The following R3HDML variants were observed in gnomAD, a reference collection of about 807,000 sequenced individuals.
The protein encoded by R3HDML is R3H domain containing like.
Under a neutral mutation model 24.2 loss-of-function variants are expected in R3HDML, and 21 were observed. The ratio of observed to expected loss-of-function variants is 0.87; its 90% confidence interval spans 0.62 to 1.25. R3HDML has a LOEUF of 1.25. Ranked by LOEUF, R3HDML falls within the 50% of genes most tolerant of loss-of-function variation. The probability of loss-of-function intolerance (pLI) is 0.00; values close to 1 mark genes in which losing one functional copy is unlikely to be tolerated. For synonymous variants in R3HDML, 133 were observed against 131.5 expected, an observed-to-expected ratio of 1.01 and a Z score of -0.08; for missense variants, 301 against 340.3, an observed-to-expected ratio of 0.88 and a Z score of 0.91.
chr20:44,348,469 T>C (rs1039015622), intron 4 of R3HDML, among the ~76,000 whole-genome samples: 1 of 125,444 alleles, frequency 8.0e-6, no homozygotes. Flanking sequence ...TTCCCCTTTC[T>C]CCTTTTCCCT....
intron 2 of R3HDML, among the ~76,000 whole-genome samples, chr20:44,342,125 G>C (rs148700762): frequency 1.5e-3 from 234 of 152,274 alleles, no homozygotes; most frequent in African/African-American, 5.1e-3. Flanking sequence ...TTCCAGACTT[G>C]TGGATTTCAC....
chr20:44,337,198 T>A lies in R3HDML; in HGVS notation c.41T>A (p.Leu14His). Reference protein sequence around the residue: ...LPSTVGLAGLLFWAGQAVNAL... With the variant: ...LPSTVGLAGLHFWAGQAVNAL... The stretch of plus-strand genomic sequence containing the variant: ...AGCACCGTGGGCCTGGCAGGCCTGC[T>A]CTTCTGGGCTGGCCAGGCAGTGAAC... Residue 14 changes from leucine to histidine, a missense_variant, in exon 1 of 5, where the codon CTC becomes CAC. By Grantham distance (99) the Leu-to-His change is moderately conservative. Transcript: ENST00000217043. The surrounding 1 kb of genome is among the most constrained non-coding windows in gnomAD (Gnocchi z 4.7). 6.2e-7 allele frequency: 1 copy of A among 1,613,578 alleles called. No homozygotes were observed. Among genetic ancestry groups the A allele is most frequent in the Non-Finnish European group, 8.5e-7 (1 of 1,179,962 alleles).
chr20:44,339,597 G>GTGTGTGTGTGTGTGTC (rs1287090149), intron 1 of R3HDML, among the ~76,000 whole-genome samples: 4 of 151,442 alleles, frequency 2.6e-5, no homozygotes, highest in African/African-American at 9.7e-5. Flanking sequence ...GTGTGTGTGT[G>GTGTGTGTGTGTGTGTC]TGTGTGTGTC....
chr20:44,347,365 T>C (rs913601633), intron 4 of R3HDML, among the ~76,000 whole-genome samples: 15 of 151,950 alleles, frequency 9.9e-5, no homozygotes, highest in African/African-American at 2.7e-4. Flanking sequence ...AGTACAGGCA[T>C]GCACCATTAC....
intron 4 of R3HDML, among the ~76,000 whole-genome samples, chr20:44,348,210 A>G (rs1386192109): frequency 6.6e-6 from 1 of 152,120 alleles, no homozygotes; most frequent in Admixed American, 6.6e-5. Flanking sequence ...CTGTTTCTTC[A>G]TCTGCAAAAT....
In R3HDML at chr20:44,350,503, A is replaced by C. The variant is rs1023769852; in HGVS notation, c.630-157A>C. On this transcript the variant is annotated intron_variant, in intron 4 of 4. Coordinates refer to ENST00000217043, the MANE Select transcript of R3HDML (RefSeq NM_178491.4). ...CAGAGCAAAACAAAATAAATAAATA[A>C]ATAAATAAAGGAAAGAAAAAAAAGA... 5.2e-6 allele frequency: 3 copies of C among 571,866 alleles called. No homozygotes were observed. The African/African-American group carries it at 5.9e-5, about 11-fold the overall frequency. 35.4% of individuals were successfully genotyped at this position (571,866 alleles called of 1,614,324 possible).
chr20:44,343,539 G>C (rs373649219), intron 3 of R3HDML, 30 bp downstream of exon 3: 62 of 1,557,574 alleles, frequency 4.0e-5, no homozygotes, highest in Non-Finnish European at 5.1e-5. Context: ...GAGGGCCCCT[G>C]GGATAACACA....
At chr20:44,346,868 G>GC (rs1163404103) in intron 4 of R3HDML, among the ~76,000 whole-genome samples, 1 of 152,230 alleles carries the variant, frequency 6.6e-6, no homozygotes, top group Non-Finnish European at 1.5e-5. Flanking sequence ...CAGGCCAGGA[G>GC]CAGTGTCTTA....
intron 4 of R3HDML, among the ~76,000 whole-genome samples, chr20:44,347,028 G>A (rs1253849849): frequency 6.6e-6 from 1 of 152,046 alleles, no homozygotes; most frequent in Admixed American, 6.6e-5. Context: ...TGTAATCCCA[G>A]CTACTTGGGA....
Position 44,343,514 on chromosome 20 carries a change from T to C in R3HDML, c.513+5T>C, listed in dbSNP as rs1444009940. 6.3e-7 allele frequency: 1 copy of C among 1,596,624 alleles called. No individual in the cohort carries two copies. The highest frequency in any genetic ancestry group is 8.5e-7 in the Non-Finnish European group (1 of 1,171,484). ...ACCTGCTCCCATTATACCCAGGTACTCCTCCGTCAGGGCTGAGGGCCCCTG... is the reference window on the plus strand; with the variant it reads ...ACCTGCTCCCATTATACCCAGGTACCCCTCCGTCAGGGCTGAGGGCCCCTG... On this transcript the variant is annotated splice_donor_5th_base_variant and intron_variant, in intron 3 of 4. Coordinates refer to ENST00000217043, the MANE Select transcript of R3HDML (RefSeq NM_178491.4).
intron 4 of R3HDML, among the ~76,000 whole-genome samples, chr20:44,348,759 C>T (rs555147375): frequency 5.9e-5 from 9 of 152,046 alleles, no homozygotes; most frequent in Non-Finnish European, 1.0e-4. Context: ...AGCAATCTGC[C>T]CACCTCAGTC....
chr20:44,337,310 G>A lies in R3HDML; in HGVS notation c.153G>A (p.Arg51=), dbSNP rs1200491783. 3.7e-6 allele frequency: 6 copies of A among 1,614,094 alleles called. No individual in the cohort carries two copies. The South Asian group carries it at 6.6e-5, about 18-fold the overall frequency. Reference sequence around the variant, plus strand: ...TCCTGAGTGGCCTGGAGGTGCCCAGGTACCGCCGGAAGCGCCACATCTCTG... The same window carrying A: ...TCCTGAGTGGCCTGGAGGTGCCCAGATACCGCCGGAAGCGCCACATCTCTG... ...MRLLSGLEVP[R]YRRKRHISVR... The change falls in exon 1 of 5, where the codon AGG becomes AGA. Residue 51 remains arginine, a synonymous_variant. Coordinates refer to ENST00000217043, the MANE Select transcript of R3HDML (RefSeq NM_178491.4). This position sits in a 1 kb window ranked among gnomAD's most constrained non-coding sequence, Gnocchi z 4.7.
intron 1 of R3HDML, among the ~76,000 whole-genome samples, chr20:44,338,352 CCCCT>C (rs1248277973): frequency 6.6e-6 from 1 of 152,190 alleles, no homozygotes; most frequent in Non-Finnish European, 1.5e-5. Flanking sequence ...ATAGACAAGG[CCCCT>C]TCCTTCACGA....
At chr20:44,345,829 C>CT (rs1426944034) in intron 4 of R3HDML, among the ~76,000 whole-genome samples, 5 of 147,772 alleles carry the variant, frequency 3.4e-5, no homozygotes, top group South Asian at 2.1e-4. Flanking sequence ...TTCTTTCTTT[C>CT]TTTTTTTTGA....
chr20:44,346,901 G>A (rs761774439), intron 4 of R3HDML, among the ~76,000 whole-genome samples: 4 of 152,212 alleles, frequency 2.6e-5, no homozygotes, highest in Admixed American at 1.3e-4. Context: ...CAGCACTTTG[G>A]GGGGCTGAGG....
At chr20:44,347,750 A>G (rs912776800) in intron 4 of R3HDML, 1 of 152,236 alleles carries the variant, frequency 6.6e-6, no homozygotes, top group Non-Finnish European at 1.5e-5. Context: ...CAGAAGAATC[A>G]GTCTTTTGAT....
chr20:44,349,471 C>A (rs939623683), intron 4 of R3HDML, among the ~76,000 whole-genome samples: 1 of 152,098 alleles, frequency 6.6e-6, no homozygotes, highest in African/African-American at 2.4e-5. Context: ...TGACAGCAGC[C>A]GGCACAAATC....
chr20:44,349,413 C>G (rs1374706570), intron 4 of R3HDML, among the ~76,000 whole-genome samples: 1 of 152,096 alleles, frequency 6.6e-6, no homozygotes, highest in Non-Finnish European at 1.5e-5. Context: ...CCACCACCCA[C>G]TCTCCCCGCC....
chr20:44,344,230 G>A (rs562388198), intron 3 of R3HDML, among the ~76,000 whole-genome samples: 210 of 150,816 alleles, frequency 1.4e-3, no homozygotes, highest in African/African-American at 4.0e-3. Context: ...GCAGTGAGCC[G>A]AGATTGCACT....
Sources: allele counts gnomAD v4.1 joint callset (sites outside exome capture counted in the v4.1 genomes callset), GRCh38; gene constraint gnomAD v4.1.1; non-coding constraint Gnocchi (gnomAD v3.1); transcripts MANE v1.5; gene names NCBI Gene and HGNC (gene_info 2026-07-23, HGNC 2026-07-21).